The following TSPAN9 variants were observed in gnomAD, a reference collection of about 807,000 sequenced individuals.
TSPAN9 encodes the protein tetraspanin-9.
TSPAN9 carries 16 observed loss-of-function variants against 31.0 expected under a neutral mutation model. The observed-to-expected ratio is 0.52, with a 90% CI of 0.35 to 0.78. TSPAN9 has a LOEUF of 0.78. Ranked by LOEUF, TSPAN9 falls within the 30% of genes least tolerant of loss-of-function variation. TSPAN9 has a pLI of 0.01. For missense variants in TSPAN9, 272 were observed against 312.5 expected (o/e 0.87, Z 0.98); for synonymous variants, 145 against 121.6 (o/e 1.19, Z -1.27).
At chr12:3,186,542 TTGTTTGTGTG>T (rs10580731) in intron 2 of TSPAN9, among the ~76,000 whole-genome samples, 41,258 of 115,194 alleles carry the variant, frequency 0.36, 5,540 homozygotes, top group Middle Eastern at 0.41. Context: ...GGCCAGGAGT[TTGTTTGTGTG>T]TGTGTGTGTG....
chr12:3,276,197 G>C (rs1402774279), intron 3 of TSPAN9, among the ~76,000 whole-genome samples: 11 of 152,206 alleles, frequency 7.2e-5, no homozygotes, highest in Admixed American at 7.2e-4. Flanking sequence ...CCTAATCACA[G>C]CAGCCTCCCA....
At chr12:3,157,900 C>T (rs1279574255) in intron 2 of TSPAN9, among the ~76,000 whole-genome samples, 3 of 152,226 alleles carry the variant, frequency 2.0e-5, no homozygotes, top group Non-Finnish European at 4.4e-5. Flanking sequence ...ACAAAAACAG[C>T]ACCCCCTGAT....
At chr12:3,100,090 C>T (rs377761156) in intron 2 of TSPAN9, among the ~76,000 whole-genome samples, 9 of 152,058 alleles carry the variant, frequency 5.9e-5, no homozygotes, top group African/African-American at 1.9e-4. Flanking sequence ...GTGATCCGCC[C>T]GCCTCGGCCT....
rs1421586138 is a variant in TSPAN9, at chr12:3,285,409, C to G, written c.*2293C>G. 1 of 152,236 alleles carries G rather than the reference C, an allele frequency of 6.6e-6. No individual in the cohort carries two copies. Among genetic ancestry groups the G allele is most frequent in the African/African-American group, 2.4e-5 (1 of 41,452 alleles). The allele number at this position is 152,236 out of a possible 1,614,324, so 9.4% of individuals were successfully genotyped here. A position where few individuals can be genotyped will look rare whatever the true frequency, so the allele number is the denominator to read the frequency against. ...TTCTGGAGTACTTCAGGGGTGGCCT[C>G]TGGCCCCAGAGCCTTTGCCACAGTG... On this transcript the variant is annotated 3_prime_UTR_variant, in exon 9 of 9. Transcript: ENST00000011898.
rs995702126 is a variant in TSPAN9, at chr12:3,089,089, G to T, written c.-18+5370G>T. ...GTACTAAAAATGCAAAAAATTAGCC[G>T]GGCGTGGTGGCGGGCGCCTGTAGTC... is the stretch of plus-strand genomic sequence containing the variant. On this transcript the variant is annotated intron_variant, in intron 2 of 8. Coordinates refer to ENST00000011898, the MANE Select transcript of TSPAN9 (RefSeq NM_006675.5). 2.6e-5 allele frequency among the ~76,000 whole-genome samples: 4 copies of T among 151,514 alleles called. No homozygotes were observed. The East Asian group carries it at 8.0e-4, about 30-fold the overall frequency.
At chr12:3,207,011 G>T (rs1031030743) in intron 3 of TSPAN9, among the ~76,000 whole-genome samples, 7 of 152,232 alleles carry the variant, frequency 4.6e-5, no homozygotes, top group African/African-American at 1.4e-4. Flanking sequence ...GACAGCACCT[G>T]CTGGACACAT....
intron 2 of TSPAN9, among the ~76,000 whole-genome samples, chr12:3,199,133 GGT>G (rs1464920349): frequency 2.0e-5 from 3 of 152,188 alleles, no homozygotes; most frequent in African/African-American, 7.2e-5. Context: ...CACAGTTCTA[GGT>G]GTGACATGAA....
chr12:3,094,824 C>G (rs1477550697), intron 2 of TSPAN9, among the ~76,000 whole-genome samples: 1 of 147,308 alleles, frequency 6.8e-6, no homozygotes, highest in Non-Finnish European at 1.5e-5. Context: ...CGTGAGCCAA[C>G]ACGCCCGGCA....
intron 1 of TSPAN9, among the ~76,000 whole-genome samples, chr12:3,082,102 C>T (rs61918057): frequency 0.95 from 145,092 of 152,060 alleles, 69,556 homozygotes; most frequent in East Asian, 1. Flanking sequence ...GAGAAATGGG[C>T]TCGAAAGATG....
chr12:3,182,098 G>T (rs1174469161), intron 2 of TSPAN9, among the ~76,000 whole-genome samples: 1 of 152,078 alleles, frequency 6.6e-6, no homozygotes, highest in Non-Finnish European at 1.5e-5. Flanking sequence ...GGTGGAGAAG[G>T]CTGTAGCCCC....
intron 3 of TSPAN9, among the ~76,000 whole-genome samples, chr12:3,270,807 A>G (rs3782767): frequency 0.75 from 114,697 of 152,262 alleles, 43,527 homozygotes; most frequent in East Asian, 0.87. Flanking sequence ...ACACTTCGGG[A>G]TTTTAGATTG....
intron 2 of TSPAN9, among the ~76,000 whole-genome samples, chr12:3,160,190 C>T (rs1043270250): frequency 8.5e-5 from 13 of 152,274 alleles, no homozygotes; most frequent in East Asian, 1.9e-4. Context: ...TCATGTAATA[C>T]GGGTTTTGAT....
intron 2 of TSPAN9, among the ~76,000 whole-genome samples, chr12:3,089,586 C>T (rs1053720823): frequency 5.3e-5 from 8 of 152,074 alleles, no homozygotes; most frequent in East Asian, 2.0e-4. Context: ...TGAGCCACTG[C>T]GCCTGGTCTC....
chr12:3,261,716 C>G (rs1488166232), intron 3 of TSPAN9, among the ~76,000 whole-genome samples: 1 of 152,172 alleles, frequency 6.6e-6, no homozygotes, highest in Non-Finnish European at 1.5e-5. Context: ...GTTCAGGAAA[C>G]CTTGGTTTTC....
At chr12:3,226,751 T>C (rs2098387745) in intron 3 of TSPAN9, among the ~76,000 whole-genome samples, 1 of 1,626 alleles carries the variant, frequency 6.2e-4, no homozygotes, top group Non-Finnish European at 1.3e-3. Context: ...TGTGTATATA[T>C]ATATATATAT....
At chr12:3,207,502 G>T (rs1045498424) in intron 3 of TSPAN9, among the ~76,000 whole-genome samples, 1 of 152,090 alleles carries the variant, frequency 6.6e-6, no homozygotes, top group Non-Finnish European at 1.5e-5. Flanking sequence ...ACGGTCAGGC[G>T]GGGGAGCAGC....
chr12:3,159,182 C>T (rs888110730), intron 2 of TSPAN9, among the ~76,000 whole-genome samples: 1 of 151,414 alleles, frequency 6.6e-6, no homozygotes, highest in Non-Finnish European at 1.5e-5. Flanking sequence ...TCGGAGGCTA[C>T]GGCAACAGGA....
intron 2 of TSPAN9, among the ~76,000 whole-genome samples, chr12:3,117,956 G>A (rs1248433020): frequency 6.6e-6 from 1 of 152,120 alleles, no homozygotes; most frequent in East Asian, 1.9e-4. Context: ...GCCTGAAGGT[G>A]GAGGAGGCAT....
chr12:3,096,809 C>A (rs1457757905), intron 2 of TSPAN9, among the ~76,000 whole-genome samples: 1 of 152,096 alleles, frequency 6.6e-6, no homozygotes, highest in Admixed American at 6.5e-5. Flanking sequence ...TCTCCTGCCT[C>A]AGCCTCCCGA....
Sources: gnomAD v4.1 joint callset for allele counts (sites outside exome capture counted in the v4.1 genomes callset) on GRCh38, gnomAD v4.1.1 for gene constraint, MANE v1.5 for transcripts, NCBI Gene and HGNC (gene_info 2026-07-23, HGNC 2026-07-21) for gene names.